The following LRP1B variants were observed in gnomAD, a reference collection of about 807,000 sequenced individuals.
LRP1B encodes the protein LDL receptor related protein 1B.
Under a neutral mutation model 556.6 loss-of-function variants are expected in LRP1B, and 217 were observed. That is an observed-to-expected ratio of 0.39 (90% CI 0.35 to 0.44). The LOEUF is 0.44. Ranked by LOEUF, LRP1B falls within the 20% of genes least tolerant of loss-of-function variation. LRP1B has a pLI of 1.00. For synonymous variants in LRP1B, 2,047 were observed against 1,865.8 expected (o/e 1.10, Z -2.50); for missense variants, 5,053 against 5,620.8 (o/e 0.90, Z 3.23).
intron 83 of LRP1B, among the ~76,000 whole-genome samples, chr2:140,300,634 T>C (rs970481461): frequency 1.1e-4 from 16 of 152,138 alleles, no homozygotes; most frequent in Non-Finnish European, 1.6e-4. Context: ...TTTGACAGTT[T>C]CCTTAGCTCA....
At chr2:141,561,139 T>C (rs969097726) in intron 2 of LRP1B, among the ~76,000 whole-genome samples, 1 of 151,676 alleles carries the variant, frequency 6.6e-6, no homozygotes, top group African/African-American at 2.4e-5. Flanking sequence ...AACACCACAA[T>C]GCATAGCAGA....
At chr2:141,113,472 TA>T (rs1193057252) in intron 7 of LRP1B, among the ~76,000 whole-genome samples, 1 of 152,202 alleles carries the variant, frequency 6.6e-6, no homozygotes, top group African/African-American at 2.4e-5. Context: ...TTGGTCCCTT[TA>T]AAAACAATTT....
At chr2:141,300,360 G>A (rs146566109) in intron 3 of LRP1B, among the ~76,000 whole-genome samples, 1 of 152,268 alleles carries the variant, frequency 6.6e-6, no homozygotes, top group African/African-American at 2.4e-5. Flanking sequence ...TTGAGGTTAA[G>A]TTTTGGGTTG....
intron 3 of LRP1B, among the ~76,000 whole-genome samples, chr2:141,314,406 T>C (rs986647098): frequency 1.3e-5 from 2 of 152,186 alleles, no homozygotes; most frequent in Non-Finnish European, 2.9e-5. Context: ...TTTAGAAATA[T>C]TTTTGAGTCT....
At chr2:142,054,107 T>C (rs562791649) in intron 1 of LRP1B, among the ~76,000 whole-genome samples, 3 of 152,264 alleles carry the variant, frequency 2.0e-5, no homozygotes, top group Admixed American at 6.5e-5. Context: ...CAAATATGTC[T>C]TTTAACACGG....
At chr2:141,475,785 C>T (rs1268475802) in intron 3 of LRP1B, among the ~76,000 whole-genome samples, 1 of 152,086 alleles carries the variant, frequency 6.6e-6, no homozygotes, top group African/African-American at 2.4e-5. Flanking sequence ...GGAGATCAGC[C>T]GCAGGACAGC....
At chr2:140,804,395 G>A (rs1034245088) in intron 32 of LRP1B, among the ~76,000 whole-genome samples, 8 of 151,986 alleles carry the variant, frequency 5.3e-5, no homozygotes, top group African/African-American at 1.9e-4. Flanking sequence ...GATGATGTCT[G>A]TATGCTAATT....
chr2:140,781,034 C>T (rs1410240893), intron 32 of LRP1B, among the ~76,000 whole-genome samples: 2 of 152,110 alleles, frequency 1.3e-5, no homozygotes, highest in Admixed American at 1.3e-4. Flanking sequence ...GTGGGTAGGG[C>T]TTCTAAGAGT....
chr2:141,530,553 T>C (rs939254323), intron 2 of LRP1B, among the ~76,000 whole-genome samples: 1 of 151,384 alleles, frequency 6.6e-6, no homozygotes, highest in African/African-American at 2.5e-5. Flanking sequence ...AATAAGTCAA[T>C]GTACCTATTC....
At chr2:141,744,598 G>T (rs1002643524) in intron 2 of LRP1B, among the ~76,000 whole-genome samples, 2 of 152,172 alleles carry the variant, frequency 1.3e-5, no homozygotes, top group African/African-American at 4.8e-5. Context: ...GAAGTCACAA[G>T]CTATTATCTC....
chr2:140,264,154 T>C (rs1573704638), intron 86 of LRP1B, among the ~76,000 whole-genome samples: 1 of 133,568 alleles, frequency 7.5e-6, no homozygotes. Flanking sequence ...TCTGTTCTTA[T>C]CACCCTTCTT....
Position 140,378,171 on chromosome 2 carries a change from G to A in LRP1B, c.10638+9C>T, listed in dbSNP as rs781248266. ...GCTGCTTTCTTTTTGATTTTACAAA[G>A]ATGCCTACCTCATCAGAGCCATCTG... On this transcript the variant is annotated intron_variant, in intron 68 of 90. Transcript: ENST00000389484. The A allele has an allele frequency of 1.3e-6, 2 of 1,581,914 alleles. No homozygotes were observed. Among genetic ancestry groups the A allele is most frequent in the Non-Finnish European group, 1.7e-6 (2 of 1,156,256 alleles).
chr2:141,076,000 T>C (rs1360782573), intron 7 of LRP1B, among the ~76,000 whole-genome samples: 3 of 152,226 alleles, frequency 2.0e-5, no homozygotes, highest in Non-Finnish European at 2.9e-5. Flanking sequence ...ATTAAATCCA[T>C]TGTAGAAAGA....
At chr2:140,972,161 G>A (rs1011624619) in intron 18 of LRP1B, among the ~76,000 whole-genome samples, 7 of 152,114 alleles carry the variant, frequency 4.6e-5, no homozygotes, top group Admixed American at 2.6e-4. Flanking sequence ...AGAAAGATGC[G>A]AAATAATGCC....
At chr2:141,828,984 G>A (rs1056972347) in intron 1 of LRP1B, among the ~76,000 whole-genome samples, 1 of 151,980 alleles carries the variant, frequency 6.6e-6, no homozygotes, top group African/African-American at 2.4e-5. Flanking sequence ...TTGCCTAACT[G>A]GGAACTGGGG....
intron 14 of LRP1B, among the ~76,000 whole-genome samples, chr2:141,012,110 A>G (rs577137365): frequency 1.3e-5 from 2 of 152,104 alleles, no homozygotes; most frequent in East Asian, 3.9e-4. Flanking sequence ...AAAGTTTTAA[A>G]AGGAGATGTC....
At chr2:140,588,396 C>A (rs1682073705) in intron 43 of LRP1B, among the ~76,000 whole-genome samples, 1 of 152,080 alleles carries the variant, frequency 6.6e-6, no homozygotes, top group South Asian at 2.1e-4. Context: ...ACTGCAGTAC[C>A]TAAAGCAACT....
chr2:141,411,640 G>A (rs1383282092), intron 3 of LRP1B, among the ~76,000 whole-genome samples: 2 of 152,058 alleles, frequency 1.3e-5, no homozygotes, highest in Admixed American at 6.6e-5. Context: ...ATGTGCGTGC[G>A]TGTGTGTCTG....
At chr2:141,345,333 G>T (rs1485473345) in intron 3 of LRP1B, among the ~76,000 whole-genome samples, 1 of 152,030 alleles carries the variant, frequency 6.6e-6, no homozygotes, top group East Asian at 1.9e-4. Context: ...TTAAGTTGTG[G>T]TAATCTGTTA....
Sources: allele counts gnomAD v4.1 joint callset (sites outside exome capture counted in the v4.1 genomes callset), GRCh38; gene constraint gnomAD v4.1.1; transcripts MANE v1.5; gene names NCBI Gene and HGNC (gene_info 2026-07-23, HGNC 2026-07-21).